The following USP7 variants were observed in gnomAD, a reference collection of about 807,000 sequenced individuals.
USP7 encodes the protein ubiquitin C-terminal hydrolase 7.
Under a neutral mutation model 162.9 loss-of-function variants are expected in USP7, and 9 were observed. The ratio of observed to expected loss-of-function variants is 0.06; its 90% CI spans 0.03 to 0.10. The LOEUF (loss-of-function observed/expected upper bound fraction) is 0.10, where lower values mean the gene tolerates loss of function less well. Among genes scored for constraint, USP7 ranks in the 10% least tolerant of loss-of-function variants. USP7 has a pLI of 1.00. For missense variants in USP7, 715 were observed against 1,373.7 expected, an observed-to-expected ratio of 0.52 and a Z score of 7.58; for synonymous variants, 562 against 475.9, an observed-to-expected ratio of 1.18 and a Z score of -2.35.
At chr16:8,908,279 A>G (rs1283290850) in intron 12 of USP7, 62 bp downstream of exon 12, 3 of 1,349,838 alleles carry the variant, frequency 2.2e-6, no homozygotes, top group Non-Finnish European at 3.2e-6. Flanking sequence ...GAAAGCACTG[A>G]GACTAACCCC....
Position 8,903,316 on chromosome 16 carries a change from C to A in USP7, c.1791G>T (p.Leu597Phe), listed in dbSNP as rs1203882600. The change falls in exon 16 of 31, where the codon TTG becomes TTT. Residue 597 changes from leucine to phenylalanine, a missense_variant. Physicochemically the swap from Leu to Phe is conservative, Grantham distance 22 (BLOSUM62 0). Around this residue, in one of 11 missense-constraint regions of USP7, gnomAD observed 197 missense variants for 306.5 expected, o/e 0.64. Transcript: ENST00000344836. ...EKVKYTVFKV[L>F]KNSSLAEFVQ... ...CAAACTCAGCAAGCGAGGAGTTCTT[C>A]AATACTTTGAACACAGTGTATTTCA... The A allele has an allele frequency of 1.2e-6, 2 of 1,614,042 alleles. No individual in the cohort carries two copies. The highest frequency in any genetic ancestry group is 2.2e-5 in the South Asian group (2 of 91,062).
chr16:8,937,882 T>C (rs1362370521), intron 1 of USP7, among the ~76,000 whole-genome samples: 1 of 152,132 alleles, frequency 6.6e-6, no homozygotes, highest in East Asian at 1.9e-4. Flanking sequence ...CTGGGGAGCT[T>C]GCATCTATGT....
chr16:8,904,141 C>T (rs1353217668), intron 15 of USP7, among the ~76,000 whole-genome samples: 1 of 152,198 alleles, frequency 6.6e-6, no homozygotes, highest in Admixed American at 6.5e-5. Flanking sequence ...GGCAGCTGCC[C>T]AGGGCAGCTC....
chr16:8,919,554 GAA>G (rs1897567577), intron 5 of USP7, among the ~76,000 whole-genome samples: 1 of 152,110 alleles, frequency 6.6e-6, no homozygotes, highest in South Asian at 2.1e-4. Context: ...AGAAGAAACA[GAA>G]GTGTGTATTC....
intron 14 of USP7, 72 bp downstream of exon 14, chr16:8,905,115 T>A: frequency 6.5e-7 from 1 of 1,539,186 alleles, no homozygotes; most frequent in Non-Finnish European, 9.0e-7. Flanking sequence ...CAGAAAAGGA[T>A]ATTGGAGATT....
chr16:8,894,536 G>C lies in USP7; in HGVS notation c.3202+14C>G, dbSNP rs759181223. 1.0e-4 allele frequency: 166 copies of C among 1,610,386 alleles called. 3 individuals are homozygous for C. The highest frequency in any genetic ancestry group is 1.7e-5 in the Admixed American group (1 of 59,822). On this transcript the variant is annotated intron_variant, in intron 30 of 30. Coordinates refer to ENST00000344836, the MANE Select transcript of USP7 (RefSeq NM_003470.3). ...GAAACCCACACCAGCCCCCGGGGGG[G>C]GGAGAACCCTTACCGGGCTGTGGCT...
chr16:8,912,931 G>C (rs1275167194), intron 10 of USP7, among the ~76,000 whole-genome samples: 3 of 152,164 alleles, frequency 2.0e-5, no homozygotes, highest in African/African-American at 7.2e-5. Flanking sequence ...AATTAGTGAA[G>C]ATCAAGACAG....
rs1005938483 is a variant in USP7, at chr16:8,952,742, T to C, written c.79+10465A>G. 2.6e-5 allele frequency among the ~76,000 whole-genome samples: 4 copies of C among 152,190 alleles called. No homozygotes were observed. The South Asian group carries it at 6.2e-4, about 24-fold the overall frequency. ...CACCTTTCCGGGGATGGGAGCATCATTCTGCAAACCACAGACCCTAAACCT... is the reference window on the plus strand; with the variant it reads ...CACCTTTCCGGGGATGGGAGCATCACTCTGCAAACCACAGACCCTAAACCT... On this transcript the variant is annotated intron_variant, in intron 1 of 30. Coordinates refer to ENST00000344836, the MANE Select transcript of USP7 (RefSeq NM_003470.3).
rs769574241 is a variant in USP7, at chr16:8,930,363, C to T, written c.114G>A (p.Gln38=). The T allele has an allele frequency of 6.2e-7, 1 of 1,612,810 alleles. No homozygotes were observed. The change falls in exon 2 of 31, where the codon CAG becomes CAA. Residue 38 remains glutamine, a synonymous_variant. Transcript: ENST00000344836. ...CCACATTCCCATTGATCACAGGGTTCTGAGTAATTCTTGGTGGGTCATCTG... is the reference window on the plus strand; with the variant it reads ...CCACATTCCCATTGATCACAGGGTTTTGAGTAATTCTTGGTGGGTCATCTG... ...GDTDDPPRIT[Q]NPVINGNVAL... is the part of the protein sequence containing the mutation.
rs1425486481 is a variant in USP7 at position 8,910,841 on chromosome 16, G to A, written c.1079-14C>T. ...ATGATTCAAATACTTTAAAGAGAGA[G>A]AGAGAAAAGTCAAGTGCTAAAGCTT... On this transcript the variant is annotated splice_polypyrimidine_tract_variant and intron_variant, in intron 10 of 30. Coordinates refer to ENST00000344836, the MANE Select transcript of USP7 (RefSeq NM_003470.3). 6.2e-7 allele frequency: 1 copy of A among 1,609,282 alleles called. No homozygotes were observed. Among genetic ancestry groups the A allele is most frequent in the Non-Finnish European group, 8.5e-7 (1 of 1,176,506 alleles).
At chr16:8,922,217 G>A (rs150527015) in intron 3 of USP7, among the ~76,000 whole-genome samples, 3 of 152,334 alleles carry the variant, frequency 2.0e-5, no homozygotes, top group African/African-American at 4.8e-5. Flanking sequence ...GGCCAGGTGC[G>A]CTGGCTCACG....
At chr16:8,899,488 G>A (rs1028399810) in intron 22 of USP7, 116 bp downstream of exon 22, 36 of 1,315,822 alleles carry the variant, frequency 2.7e-5, no homozygotes, top group African/African-American at 1.2e-4. Flanking sequence ...AGATTTCCTC[G>A]GGCATAGCCC....
chr16:8,910,638 C>T, intron 11 of USP7, 107 bp downstream of exon 11: 1 of 962,526 alleles, frequency 1.0e-6, no homozygotes, highest in Admixed American at 2.2e-5. Flanking sequence ...ATTCTAAATA[C>T]CAGAAACACA....
chr16:8,943,718 C>T (rs1899152166), intron 1 of USP7, among the ~76,000 whole-genome samples: 1 of 152,178 alleles, frequency 6.6e-6, no homozygotes, highest in African/African-American at 2.4e-5. Context: ...CTGTCCTTCC[C>T]AAAGGCAATA....
chr16:8,905,051 G>T, intron 14 of USP7, 136 bp downstream of exon 14: 1 of 1,061,634 alleles, frequency 9.4e-7, no homozygotes, highest in Non-Finnish European at 1.4e-6. Flanking sequence ...GCCCAACCCT[G>T]CTCATTTCTG....
chr16:8,915,356 G>T lies in USP7; in HGVS notation c.988-12C>A, dbSNP rs773164542. On this transcript the variant is annotated splice_polypyrimidine_tract_variant and intron_variant, in intron 9 of 30. Transcript: ENST00000344836. ...CACTGGATATAGGACTGCAAATAAG[G>T]AAAGTAAAAGTGGTTTAACTAGTAA... The T allele has an allele frequency of 3.4e-5, 55 of 1,613,006 alleles. No individual in the cohort carries two copies. The highest frequency in any genetic ancestry group is 4.4e-5 in the Non-Finnish European group (52 of 1,179,544).
intron 4 of USP7, among the ~76,000 whole-genome samples, chr16:8,920,934 G>A (rs1897658516): frequency 6.6e-6 from 1 of 152,184 alleles, no homozygotes; most frequent in Non-Finnish European, 1.5e-5. Flanking sequence ...AGCCCACTGG[G>A]AACTCCCTTT....
In USP7 at chr16:8,963,607, G is replaced by C. The variant is rs1244249789; in HGVS notation, c.-322C>G. 1 of 140,530 alleles carries C rather than the reference G, an allele frequency of 7.1e-6. No homozygotes were observed. Among genetic ancestry groups the C allele is most frequent in the Admixed American group, 7.0e-5 (1 of 14,308 alleles). The allele number at this position is 140,530 out of a possible 1,614,324, so 8.7% of individuals were successfully genotyped here. ...GCCGCGGGGCCCGCCTCCCGCCGCC[G>C]GGGCCGGGGCCGGGGCTGCGGGGCC... On this transcript the variant is annotated 5_prime_UTR_variant, in exon 1 of 31. Coordinates refer to ENST00000344836, the MANE Select transcript of USP7 (RefSeq NM_003470.3).
chr16:8,916,906 C>A, intron 7 of USP7, 120 bp downstream of exon 7: 4 of 1,162,446 alleles, frequency 3.4e-6, no homozygotes, highest in Non-Finnish European at 4.7e-6. Flanking sequence ...AATGCTCAAG[C>A]CTCCCTAAAT....
Sources: allele counts gnomAD v4.1 joint callset (sites outside exome capture counted in the v4.1 genomes callset), GRCh38; gene constraint gnomAD v4.1.1; regional missense constraint gnomAD v4.1.1; transcripts MANE v1.5; gene names NCBI Gene and HGNC (gene_info 2026-07-23, HGNC 2026-07-21).